Variants in KDM6A observed in about 807,000 individuals in gnomAD.
KDM6A encodes the protein lysine demethylase 6A, also known as lysine-specific demethylase 6A.
A neutral mutation model predicts 117.6 loss-of-function variants in KDM6A; 11 were observed. The observed-to-expected ratio is 0.09, with a 90% CI of 0.06 to 0.15. The LOEUF (loss-of-function observed/expected upper bound fraction) is 0.15. Ranked by LOEUF, KDM6A falls within the 10% of genes least tolerant of loss-of-function variation. The probability of loss-of-function intolerance (pLI) is 1.00; values close to 1 mark genes in which losing one functional copy is unlikely to be tolerated. For synonymous variants in KDM6A, 384 were observed against 396.1 expected (o/e 0.97, Z 0.36); for missense variants, 799 against 1,077.3 (o/e 0.74, Z 3.62).
At chrX:44,972,268 C>G (rs5952281) in intron 3 of KDM6A, among the ~76,000 whole-genome samples, 1 of 111,164 alleles carries the variant, frequency 9.0e-6, no homozygotes, top group Non-Finnish European at 1.9e-5. Context: ...TCTACCTACT[C>G]TACAAGTTAA....
At chrX:44,895,094 A>C (rs1469134780) in intron 2 of KDM6A, among the ~76,000 whole-genome samples, 1 of 96,567 alleles carries the variant, frequency 1.0e-5, no homozygotes, top group African/African-American at 3.9e-5. Flanking sequence ...TTATTTATTT[A>C]TTTATTTATT....
intron 2 of KDM6A, among the ~76,000 whole-genome samples, chrX:44,940,661 GA>G (rs746370180): frequency 2.1e-4 from 24 of 111,672 alleles, no homozygotes; most frequent in Non-Finnish European, 3.8e-4. Context: ...GATGCTCCAT[GA>G]AAAAAGAGGC....
At chrX:44,980,115 G>C (rs1419773883) in intron 4 of KDM6A, among the ~76,000 whole-genome samples, 1 of 107,543 alleles carries the variant, frequency 9.3e-6, no homozygotes, top group Non-Finnish European at 1.9e-5. Context: ...TCCTGCCTCA[G>C]CCTCCCCAGT....
chrX:45,001,711 G>A, intron 4 of KDM6A, among the ~76,000 whole-genome samples: 1 of 111,519 alleles, frequency 9.0e-6, no homozygotes, highest in African/African-American at 3.3e-5. Context: ...ATGAAAGAGA[G>A]TTAAATTTTT....
At chrX:44,914,013 C>T (rs2035391354) in intron 2 of KDM6A, among the ~76,000 whole-genome samples, 1 of 112,156 alleles carries the variant, frequency 8.9e-6, no homozygotes, top group Non-Finnish European at 1.9e-5. Flanking sequence ...AAACTGGACA[C>T]AGCAGTAGGA....
At chrX:45,011,727 A>G (rs925601055) in intron 5 of KDM6A, among the ~76,000 whole-genome samples, 1 of 111,800 alleles carries the variant, frequency 8.9e-6, no homozygotes, top group Non-Finnish European at 1.9e-5. Flanking sequence ...CTTGAATTAA[A>G]TAACTTCTCT....
rs2040152297 is a variant in KDM6A, at chrX:44,985,289, C to T, written c.384+10574C>T. Among the ~76,000 whole-genome samples the T allele has an allele frequency of 2.7e-5, 3 of 111,947 alleles. No individual in the cohort carries two copies. In the South Asian group the frequency reaches 1.1e-3, roughly 42 times the overall value. On this transcript the variant is annotated intron_variant, in intron 4 of 29. Coordinates refer to ENST00000611820, the MANE Select transcript of KDM6A (RefSeq NM_001291415.2). ...CTGAGACTTTGCTGAAGTTGCCTATCAGCTTAAGGAGATTTTGGGCTGAAA... is the reference window on the plus strand; with the variant it reads ...CTGAGACTTTGCTGAAGTTGCCTATTAGCTTAAGGAGATTTTGGGCTGAAA...
At chrX:45,060,337 G>A (rs958936407) in intron 13 of KDM6A, among the ~76,000 whole-genome samples, 181 bp downstream of exon 13, 2 of 112,133 alleles carry the variant, frequency 1.8e-5, no homozygotes, top group Non-Finnish European at 1.9e-5. Context: ...AGATTTTGGG[G>A]TACCAACTTA....
intron 27 of KDM6A, among the ~76,000 whole-genome samples, chrX:45,093,462 TAGGG>T (rs1330330640): frequency 2.8e-5 from 3 of 107,847 alleles, no homozygotes. Flanking sequence ...AGCTTAGAAG[TAGGG>T]AGGACAAATT....
chrX:44,873,891 G>T (rs1471257854), intron 1 of KDM6A, 33 bp from the exon 2 acceptor site: 21 of 1,195,224 alleles, frequency 1.8e-5, no homozygotes, highest in Non-Finnish European at 3.4e-6. Context: ...CGTTCCCTGA[G>T]CGTTAACGAG....
intron 17 of KDM6A, among the ~76,000 whole-genome samples, chrX:45,069,080 T>G (rs1055450607): frequency 1.3e-4 from 15 of 111,701 alleles, no homozygotes; most frequent in Non-Finnish European, 3.8e-5. Context: ...TTAATAGTTC[T>G]GCCCTTAATT....
rs771358290 is a variant in KDM6A, at chrX:45,092,460, C to T, written c.4034+1596C>T. Among the ~76,000 whole-genome samples the T allele has an allele frequency of 4.5e-5, 5 of 111,757 alleles. No homozygotes were observed. The East Asian group carries it at 1.4e-3, about 31-fold the overall frequency. On this transcript the variant is annotated intron_variant, in intron 27 of 29. Coordinates refer to ENST00000611820, the MANE Select transcript of KDM6A (RefSeq NM_001291415.2). ...TCTTTTCACCTCACTATAATTCTTG[C>T]AAGTTCTTTACAAAATGGCCTAAAG...
chrX:44,959,523 G>T (rs909921918), intron 2 of KDM6A, among the ~76,000 whole-genome samples: 2 of 109,962 alleles, frequency 1.8e-5, no homozygotes, highest in South Asian at 7.6e-4. Context: ...ATGTTAATCA[G>T]CCATATGAAG....
At chrX:44,904,822 A>C (rs2034547887) in intron 2 of KDM6A, among the ~76,000 whole-genome samples, 2 of 111,998 alleles carry the variant, frequency 1.8e-5, no homozygotes, top group Non-Finnish European at 3.8e-5. Flanking sequence ...GGACTAGGGC[A>C]AATTAAAAAG....
chrX:44,962,733 C>T (rs1343752688), intron 3 of KDM6A, among the ~76,000 whole-genome samples: 5 of 111,875 alleles, frequency 4.5e-5, no homozygotes, highest in African/African-American at 1.6e-4. Context: ...TGTAAGTGTG[C>T]AGTAGCATTA....
At chrX:44,959,939 G>T (rs1443032712) in intron 2 of KDM6A, among the ~76,000 whole-genome samples, 1 of 111,353 alleles carries the variant, frequency 9.0e-6, no homozygotes, top group Non-Finnish European at 1.9e-5. Flanking sequence ...AAACCCTTAG[G>T]CTTTAAGGAT....
intron 4 of KDM6A, among the ~76,000 whole-genome samples, chrX:45,004,803 C>T (rs1479171501): frequency 1.8e-5 from 2 of 111,416 alleles, no homozygotes; most frequent in Non-Finnish European, 3.8e-5. Context: ...CAGGAGGATG[C>T]TCACATTCCC....
intron 15 of KDM6A, 147 bp downstream of exon 15, chrX:45,061,566 A>G (rs1366993671): frequency 5.9e-6 from 2 of 336,829 alleles, no homozygotes; most frequent in Non-Finnish European, 1.0e-5. Flanking sequence ...CTCTTGGCTC[A>G]CTGCAACCTC....
At chrX:44,958,561 A>G (rs2038477077) in intron 2 of KDM6A, among the ~76,000 whole-genome samples, 1 of 109,412 alleles carries the variant, frequency 9.1e-6, no homozygotes, top group Non-Finnish European at 1.9e-5. Flanking sequence ...AAGTAAAATG[A>G]ACAAAATACA....
Sources: gnomAD v4.1 joint callset for allele counts (sites outside exome capture counted in the v4.1 genomes callset) on GRCh38, gnomAD v4.1.1 for gene constraint, MANE v1.5 for transcripts, NCBI Gene and HGNC (gene_info 2026-07-23, HGNC 2026-07-21) for gene names.